Variants in ADGRB3 observed in about 807,000 individuals in gnomAD.
The protein encoded by ADGRB3 is brain-specific angiogenesis inhibitor 3.
ADGRB3 carries 37 observed loss-of-function variants against 193.4 expected under a neutral mutation model. The ratio of observed to expected loss-of-function variants is 0.19; its 90% CI spans 0.15 to 0.25. The LOEUF is 0.25. ADGRB3 is among the 10% of genes least tolerant of loss of function. The pLI is 1.00. For missense variants in ADGRB3, 1,637 were observed against 1,852.9 expected, an observed-to-expected ratio of 0.88 and a Z score of 2.14; for synonymous variants, 690 against 644.2, an observed-to-expected ratio of 1.07 and a Z score of -1.08.
intron 20 of ADGRB3, among the ~76,000 whole-genome samples, chr6:69,270,811 G>A (rs1767158315): frequency 6.6e-6 from 1 of 152,088 alleles, no homozygotes; most frequent in African/African-American, 2.4e-5. Flanking sequence ...TCAGTGATAT[G>A]TATAAATTTA....
chr6:68,639,513 G>C, intron 3 of ADGRB3, 81 bp downstream of exon 3: 2 of 1,403,130 alleles, frequency 1.4e-6, no homozygotes, highest in South Asian at 3.0e-5. Context: ...CAACACACAG[G>C]CCTAATTATT....
intron 3 of ADGRB3, among the ~76,000 whole-genome samples, chr6:68,909,228 G>A (rs1766631643): frequency 6.6e-6 from 1 of 152,066 alleles, no homozygotes; most frequent in Non-Finnish European, 1.5e-5. Context: ...TTTGGTAGTG[G>A]AGTTGGTGGA....
rs1268978900 is a variant in ADGRB3, at chr6:69,333,937, AAAATAAAATAAAATAAAATAAAAT to A, written c.3188+933_3188+956del. Among the ~76,000 whole-genome samples, 3 of 746 alleles carry A rather than the reference AAAATAAAATAAAATAAAATAAAAT, an allele frequency of 4.0e-3. No individual in the cohort carries two copies. In the African/African-American group the frequency reaches 0.1, roughly 25 times the overall value. 0.5% of individuals were successfully genotyped at this position (746 alleles called of 152,430 possible). On this transcript the variant is annotated intron_variant, in intron 24 of 31. Transcript: ENST00000370598. ...AGAGCGAGACTCTGTCTCAAAAAAC[AAAATAAAATAAAATAAAATAAAAT>A]AAAATAAAATAAAATAAAATAAAAT...
At chr6:68,657,508 A>T (rs1768518503) in intron 3 of ADGRB3, among the ~76,000 whole-genome samples, 1 of 151,506 alleles carries the variant, frequency 6.6e-6, no homozygotes, top group East Asian at 1.9e-4. Flanking sequence ...AATACTACAG[A>T]TTGGTGTCTG....
In ADGRB3 at chr6:68,638,869, C is replaced by T; in HGVS notation, c.194C>T (p.Thr65Ile). ...TGGACGCTGGAAAATCCAGATCCAA[C>T]CAAATATAGCATTTACCTGAAATTT... ...CTWTLENPDP[T>I]KYSIYLKFSK... Residue 65 changes from threonine to isoleucine, a missense_variant, in exon 3 of 32, where the codon ACC becomes ATC. Transcript: ENST00000370598. The T allele has an allele frequency of 6.2e-7, 1 of 1,614,072 alleles. No homozygotes were observed.
chr6:69,277,231 G>T (rs969246038), intron 20 of ADGRB3, among the ~76,000 whole-genome samples: 2 of 152,002 alleles, frequency 1.3e-5, no homozygotes, highest in Non-Finnish European at 2.9e-5. Flanking sequence ...CTGACCTTGT[G>T]ATTTGCCCAC....
chr6:69,251,923 A>C (rs1313095547), intron 20 of ADGRB3, among the ~76,000 whole-genome samples: 1 of 152,170 alleles, frequency 6.6e-6, no homozygotes, highest in African/African-American at 2.4e-5. Context: ...ATTGAAGTTA[A>C]ATGTATATAC....
chr6:68,694,651 T>C (rs1765128616), intron 3 of ADGRB3, among the ~76,000 whole-genome samples: 1 of 152,062 alleles, frequency 6.6e-6, no homozygotes, highest in South Asian at 2.1e-4. Flanking sequence ...CCTTAAACTC[T>C]GGTGCTCTGT....
At chr6:68,928,290 C>T (rs1026338850) in intron 3 of ADGRB3, among the ~76,000 whole-genome samples, 1 of 152,088 alleles carries the variant, frequency 6.6e-6, no homozygotes, top group Admixed American at 6.6e-5. Flanking sequence ...ATTTGGGAAG[C>T]AGAGGTGGGA....
chr6:69,122,502 A>AGG (rs1773740396), intron 17 of ADGRB3, among the ~76,000 whole-genome samples: 3 of 44,618 alleles, frequency 6.7e-5, no homozygotes, highest in Non-Finnish European at 4.7e-5. Flanking sequence ...GGAGGGGGAG[A>AGG]GGGAGAGGTG....
At chr6:68,730,255 C>G (rs1369742001) in intron 3 of ADGRB3, among the ~76,000 whole-genome samples, 1 of 151,518 alleles carries the variant, frequency 6.6e-6, no homozygotes, top group Non-Finnish European at 1.5e-5. Flanking sequence ...TTTCAGTTTT[C>G]TAGAACCATC....
At chr6:69,233,814 A>G (rs1278584009) in intron 18 of ADGRB3, among the ~76,000 whole-genome samples, 3 of 152,208 alleles carry the variant, frequency 2.0e-5, no homozygotes, top group African/African-American at 7.2e-5. Context: ...AACACATTGC[A>G]TATCTGCATT....
chr6:69,303,300 T>C (rs1582618345), intron 20 of ADGRB3, among the ~76,000 whole-genome samples: 1 of 151,788 alleles, frequency 6.6e-6, no homozygotes, highest in Non-Finnish European at 1.5e-5. Context: ...GCGAAAAAAA[T>C]CAGACAGAAA....
chr6:68,787,104 G>A (rs999556383), intron 3 of ADGRB3, among the ~76,000 whole-genome samples: 2 of 152,146 alleles, frequency 1.3e-5, no homozygotes, highest in African/African-American at 2.4e-5. Flanking sequence ...TGCAAACAGG[G>A]ACAATTTGAC....
intron 17 of ADGRB3, among the ~76,000 whole-genome samples, chr6:69,185,021 A>G (rs1166252950): frequency 1.3e-5 from 2 of 152,168 alleles, no homozygotes; most frequent in Non-Finnish European, 2.9e-5. Context: ...GACTTATCAA[A>G]GAGTTCACAT....
At chr6:68,897,132 A>C (rs760506203) in intron 3 of ADGRB3, among the ~76,000 whole-genome samples, 3 of 152,084 alleles carry the variant, frequency 2.0e-5, no homozygotes, top group Non-Finnish European at 2.9e-5. Flanking sequence ...AAGATATTGC[A>C]GAAAGGAGAA....
At chr6:68,807,210 T>A (rs1767417301) in intron 3 of ADGRB3, among the ~76,000 whole-genome samples, 1 of 148,326 alleles carries the variant, frequency 6.7e-6, no homozygotes, top group Admixed American at 7.0e-5. Context: ...TGGATGTTAA[T>A]TTTTCTTTTT....
intron 20 of ADGRB3, among the ~76,000 whole-genome samples, chr6:69,313,201 A>C (rs1582624969): frequency 1.3e-5 from 2 of 151,974 alleles, no homozygotes; most frequent in East Asian, 3.9e-4. Context: ...CGCCCTAGAC[A>C]GATTACATCA....
At chr6:68,755,102 A>G (rs1766274378) in intron 3 of ADGRB3, among the ~76,000 whole-genome samples, 1 of 152,228 alleles carries the variant, frequency 6.6e-6, no homozygotes, top group Admixed American at 6.5e-5. Context: ...TGGAAGCAGA[A>G]GCCAGTTCAA....
Sources: gnomAD v4.1 joint callset for allele counts (sites outside exome capture counted in the v4.1 genomes callset) on GRCh38, gnomAD v4.1.1 for gene constraint, MANE v1.5 for transcripts, NCBI Gene and HGNC (gene_info 2026-07-23, HGNC 2026-07-21) for gene names.